Variants in MTA1 observed in about 807,000 individuals in gnomAD.
MTA1 encodes metastasis associated 1, also known as metastasis-associated protein MTA1.
In MTA1, 15 loss-of-function variants were observed where a neutral mutation model predicts 97.0. The ratio of observed to expected loss-of-function variants is 0.15; its 90% CI spans 0.10 to 0.24. The LOEUF is 0.24. MTA1 is among the 10% of genes least tolerant of loss of function. The pLI is 1.00. For missense variants in MTA1, 709 were observed against 1,015.1 expected (o/e 0.70, Z 4.10); for synonymous variants, 435 against 417.5 (o/e 1.04, Z -0.51).
At chr14:105,457,672 T>C (rs2083203572) in intron 7 of MTA1, among the ~76,000 whole-genome samples, 1 of 152,198 alleles carries the variant, frequency 6.6e-6, no homozygotes, top group Admixed American at 6.5e-5. Context: ...ACGCCTATGA[T>C]CCCAACACTT....
At chr14:105,467,582 T>C (rs587596689) in intron 18 of MTA1, 1 of 436,026 alleles carries the variant, frequency 2.3e-6, no homozygotes, top group East Asian at 7.1e-5. Flanking sequence ...CATCTCCACC[T>C]GTCTGGACAC....
At position 105,458,254 on chromosome 14, in the gene MTA1, C is replaced by T; in HGVS notation, c.551-16C>T. ...GTGGGACCCCGTCTCAGAAAGGCCA[C>T]ACTTCCTCCCTGTAGGCGAGGAGGA... is the stretch of plus-strand genomic sequence containing the variant. On this transcript the variant is annotated splice_polypyrimidine_tract_variant and intron_variant, in intron 7 of 20. Transcript: ENST00000331320. 1 of 1,608,610 alleles carries T rather than the reference C, an allele frequency of 6.2e-7. No individual in the cohort carries two copies. The highest frequency in any genetic ancestry group is 8.5e-7 in the Non-Finnish European group (1 of 1,176,424).
At chr14:105,435,288 A>T (rs1162207558) in intron 1 of MTA1, among the ~76,000 whole-genome samples, 1 of 151,612 alleles carries the variant, frequency 6.6e-6, no homozygotes, top group African/African-American at 2.4e-5. Context: ...GTTTTTAAAA[A>T]TTTAAGTTAT....
In MTA1 at chr14:105,463,762, G is replaced by A. The variant is rs1023807571; in HGVS notation, c.1076+211G>A. The A allele has an allele frequency of 8.5e-5, 53 of 622,990 alleles. No homozygotes were observed. The highest frequency in any genetic ancestry group is 2.5e-5 in the Non-Finnish European group (9 of 354,434). 38.6% of individuals were successfully genotyped at this position (622,990 alleles called of 1,614,324 possible). The stretch of plus-strand genomic sequence containing the variant: ...TCGTCCTGGCCTCCTGGTCAGTAAG[G>A]GGGCATTGGGATTCCAGCCCACACC... On this transcript the variant is annotated intron_variant, in intron 12 of 20. Coordinates refer to ENST00000331320, the MANE Select transcript of MTA1 (RefSeq NM_004689.4). This position sits in a 1 kb window ranked among gnomAD's most constrained non-coding sequence, Gnocchi z 5.9.
At chr14:105,462,968 G>A (rs1163232558) in intron 10 of MTA1, among the ~76,000 whole-genome samples, 2 of 152,190 alleles carry the variant, frequency 1.3e-5, no homozygotes, top group Admixed American at 1.3e-4. Flanking sequence ...TTCCCCTGGC[G>A]TCACTGTGTT....
chr14:105,456,493 G>A (rs868955348), intron 7 of MTA1, among the ~76,000 whole-genome samples: 4 of 152,244 alleles, frequency 2.6e-5, no homozygotes, highest in Non-Finnish European at 4.4e-5. Context: ...CTGCCCTGCC[G>A]TTCCTTGGCT....
intron 1 of MTA1, among the ~76,000 whole-genome samples, chr14:105,434,539 G>A (rs765390050): frequency 2.3e-4 from 33 of 143,536 alleles, no homozygotes; most frequent in Admixed American, 1.0e-3. Context: ...TTGTTACCCA[G>A]GCTGGAGTGC....
rs587620933 is a variant in MTA1, at chr14:105,455,191, C to T, written c.550+881C>T. Among the ~76,000 whole-genome samples the T allele has an allele frequency of 1.9e-3, 286 of 152,354 alleles. 13 individuals carry two copies. The highest frequency in any genetic ancestry group is 8.1e-4 in the Non-Finnish European group (55 of 68,036). On this transcript the variant is annotated intron_variant, in intron 7 of 20. Coordinates refer to ENST00000331320, the MANE Select transcript of MTA1 (RefSeq NM_004689.4). ...AAACTGCTGGGATTACATGTGTGAG[C>T]CACTGCACCTGGCCTCATTTTTTAA...
At chr14:105,465,247 CA>C in intron 16 of MTA1, 64 bp downstream of exon 16, 1 of 1,398,866 alleles carries the variant, frequency 7.1e-7, no homozygotes, top group Non-Finnish European at 9.5e-7. Context: ...CACCCAAGCT[CA>C]TGCACTGGTG....
intron 1 of MTA1, among the ~76,000 whole-genome samples, chr14:105,431,552 A>G (rs1178679358): frequency 2.0e-5 from 3 of 152,262 alleles, no homozygotes; most frequent in African/African-American, 7.2e-5. Context: ...TAAACATACA[A>G]AGTGCCAAAA....
intron 1 of MTA1, among the ~76,000 whole-genome samples, chr14:105,421,899 A>T (rs1555420998): frequency 6.6e-6 from 1 of 152,148 alleles, no homozygotes; most frequent in East Asian, 1.9e-4. Context: ...TCACTGACCC[A>T]CGCACTCCAG....
intron 10 of MTA1, among the ~76,000 whole-genome samples, chr14:105,462,080 G>T (rs2083370672): frequency 6.6e-6 from 1 of 152,254 alleles, no homozygotes; most frequent in African/African-American, 2.4e-5. Flanking sequence ...CAGCGCTCAG[G>T]GGACTGCGGC....
rs1474495723 is a variant in MTA1, at chr14:105,424,349, A to G, written c.28+4286A>G. 1.3e-5 allele frequency among the ~76,000 whole-genome samples: 2 copies of G among 149,336 alleles called. No individual in the cohort carries two copies. Among genetic ancestry groups the G allele is most frequent in the Non-Finnish European group, 3.0e-5 (2 of 67,596 alleles). On this transcript the variant is annotated intron_variant, in intron 1 of 20. Coordinates refer to ENST00000331320, the MANE Select transcript of MTA1 (RefSeq NM_004689.4). The surrounding 1 kb of genome is among the most constrained non-coding windows in gnomAD (Gnocchi z 4.0). Reference sequence around the variant, plus strand: ...GCTGGGACTACAGGCGCCCGCCACCATGCCTGGCTAATGTTTTGTAATTTT... The same window carrying G: ...GCTGGGACTACAGGCGCCCGCCACCGTGCCTGGCTAATGTTTTGTAATTTT...
chr14:105,437,736 T>C (rs1555424767), intron 1 of MTA1, among the ~76,000 whole-genome samples: 1 of 152,212 alleles, frequency 6.6e-6, no homozygotes, highest in African/African-American at 2.4e-5. Context: ...CAGTCCCCCC[T>C]GCGGAGCTGA....
chr14:105,466,629 CG>C, intron 17 of MTA1, 51 bp downstream of exon 17: 1 of 1,572,400 alleles, frequency 6.4e-7, no homozygotes, highest in Non-Finnish European at 8.6e-7. Context: ...CCGGTGAGTC[CG>C]GCCCGTCCCC....
chr14:105,458,496 G>A (rs587632794), intron 8 of MTA1, 124 bp downstream of exon 8: 3 of 854,776 alleles, frequency 3.5e-6, no homozygotes, highest in East Asian at 2.7e-5. Context: ...AAGCCCATGC[G>A]CTGCAGCCCT....
chr14:105,464,891 C>T (rs2083504487), intron 15 of MTA1, 28 bp downstream of exon 15: 1 of 1,535,942 alleles, frequency 6.5e-7, no homozygotes, highest in Non-Finnish European at 8.8e-7. Flanking sequence ...CCCGCTTACT[C>T]TGTTCCTGCG....
At chr14:105,455,322 G>A (rs1567032111) in intron 7 of MTA1, among the ~76,000 whole-genome samples, 1 of 152,198 alleles carries the variant, frequency 6.6e-6, no homozygotes, top group African/African-American at 2.4e-5. Flanking sequence ...GTGGAGCTCC[G>A]ACGCAGTGCT....
Position 105,470,281 on chromosome 14 carries a change from C to T in MTA1, c.*66C>T. ...CCCACACGGCCCCTTCCCAGCCAGC[C>T]CGCCGCCCGCCCCTCAGTTTGGTAG... On this transcript the variant is annotated 3_prime_UTR_variant, in exon 21 of 21. Coordinates refer to ENST00000331320, the MANE Select transcript of MTA1 (RefSeq NM_004689.4). The T allele has an allele frequency of 7.6e-7, 1 of 1,319,586 alleles. No homozygotes were observed. The highest frequency in any genetic ancestry group is 9.8e-7 in the Non-Finnish European group (1 of 1,024,364). The allele number at this position is 1,319,586 out of a possible 1,614,324, so 81.7% of individuals were successfully genotyped here.
Sources: gnomAD v4.1 joint callset for allele counts (sites outside exome capture counted in the v4.1 genomes callset) on GRCh38, gnomAD v4.1.1 for gene constraint, Gnocchi (gnomAD v3.1) non-coding constraint, MANE v1.5 for transcripts, NCBI Gene and HGNC (gene_info 2026-07-23, HGNC 2026-07-21) for gene names.